PRRG1: variants seen among roughly 807,000 people sequenced by gnomAD.
The protein encoded by PRRG1 is proline rich and Gla domain 1.
A neutral mutation model predicts 11.8 loss-of-function variants in PRRG1; 5 were observed. The ratio of observed to expected loss-of-function variants is 0.42; its 90% confidence interval spans 0.22 to 0.89. The LOEUF (loss-of-function observed/expected upper bound fraction) is 0.89, where lower values mean the gene tolerates loss of function less well. PRRG1 is among the 40% of genes least tolerant of loss of function. The pLI, the probability that PRRG1 is intolerant of heterozygous loss-of-function variation, is 0.28. For missense variants in PRRG1, 155 were observed against 166.1 expected, an observed-to-expected ratio of 0.93 and a Z score of 0.37; for synonymous variants, 66 against 60.4, an observed-to-expected ratio of 1.09 and a Z score of -0.43.
intron 3 of PRRG1, among the ~76,000 whole-genome samples, chrX:37,434,145 C>T (rs1020164473): frequency 2.7e-5 from 3 of 112,242 alleles, no homozygotes; most frequent in African/African-American, 9.7e-5. Context: ...TTTACTCATA[C>T]GTGGTTTCAT....
At position 37,355,053 on chromosome X, in the gene PRRG1, A is replaced by C. The variant is rs781992956; in HGVS notation, c.-42+5658A>C. Among the ~76,000 whole-genome samples the C allele has an allele frequency of 3.6e-5, 4 of 110,577 alleles. No homozygotes were observed. In the South Asian group the frequency reaches 1.6e-3, roughly 44 times the overall value. On this transcript the variant is annotated intron_variant, in intron 1 of 3. Coordinates refer to ENST00000378628, the MANE Select transcript of PRRG1 (RefSeq NM_001142395.2). ...CAGCTTCCTGAGTAGCTGGGACCAC[A>C]AGTATGTGCCACTATGCCCAGCTAA...
At chrX:37,363,720 T>C (rs906728014) in intron 1 of PRRG1, among the ~76,000 whole-genome samples, 1 of 112,127 alleles carries the variant, frequency 8.9e-6, no homozygotes, top group African/African-American at 3.2e-5. Flanking sequence ...ATATAATGAA[T>C]TCTGCTTCCA....
intron 1 of PRRG1, among the ~76,000 whole-genome samples, chrX:37,382,935 C>G (rs1169895090): frequency 9.0e-6 from 1 of 111,496 alleles, no homozygotes; most frequent in Non-Finnish European, 1.9e-5. Context: ...CTTCTGCTTT[C>G]TCTCCGAGAA....
intron 1 of PRRG1, among the ~76,000 whole-genome samples, chrX:37,382,418 TATGTGTATATCTTGC>T (rs1556373987): frequency 4.5e-5 from 5 of 111,244 alleles, no homozygotes; most frequent in Non-Finnish European, 7.6e-5. Context: ...TATACACAGC[TATGTGTATATCTTGC>T]AGCTATAGAT....
intron 1 of PRRG1, among the ~76,000 whole-genome samples, chrX:37,397,874 T>G (rs782672306): frequency 9.1e-6 from 1 of 110,435 alleles, no homozygotes; most frequent in East Asian, 2.8e-4. Flanking sequence ...TTATTGTTTT[T>G]AAGTGTATTG....
intron 2 of PRRG1, among the ~76,000 whole-genome samples, chrX:37,406,723 G>A (rs1348118219): frequency 9.0e-6 from 1 of 110,993 alleles, no homozygotes; most frequent in Non-Finnish European, 1.9e-5. Flanking sequence ...TTAAAGCCCG[G>A]CATTAAGAAC....
In PRRG1 at chrX:37,349,398, G is replaced by A. The variant is rs1338357008; in HGVS notation, c.-42+3G>A. ...CGAGTAGCGGAGCGGGACCCGCTGT[G>A]AGTGTGGCGGCCGCGCTGGGTTCCT... On this transcript the variant is annotated splice_donor_region_variant and intron_variant, in intron 1 of 3. Coordinates refer to ENST00000378628, the MANE Select transcript of PRRG1 (RefSeq NM_001142395.2). The A allele has an allele frequency of 1.8e-5, 2 of 112,844 alleles. No individual in the cohort carries two copies. The highest frequency in any genetic ancestry group is 9.3e-5 in the Admixed American group (1 of 10,782). 9.3% of individuals were successfully genotyped at this position (112,844 alleles called of 1,213,427 possible). A position where few individuals can be genotyped will look rare whatever the true frequency, so the allele number is the denominator to read the frequency against.
At chrX:37,421,443 C>T (rs782554534) in intron 2 of PRRG1, among the ~76,000 whole-genome samples, 5 of 111,715 alleles carry the variant, frequency 4.5e-5, no homozygotes, top group Non-Finnish European at 9.4e-5. Flanking sequence ...TTCCTGATAG[C>T]TGTAATTTAA....
At chrX:37,390,390 T>C (rs1354795721) in intron 1 of PRRG1, among the ~76,000 whole-genome samples, 2 of 111,621 alleles carry the variant, frequency 1.8e-5, no homozygotes, top group Non-Finnish European at 3.8e-5. Flanking sequence ...TGTATGTACG[T>C]GCCTGTGTGT....
chrX:37,371,596 C>T (rs1325523448), intron 1 of PRRG1, among the ~76,000 whole-genome samples: 1 of 112,735 alleles, frequency 8.9e-6, no homozygotes, highest in Non-Finnish European at 1.9e-5. Flanking sequence ...GGCTGTGACA[C>T]CCTGTTTGAG....
chrX:37,376,322 A>C (rs1352955863), intron 1 of PRRG1, among the ~76,000 whole-genome samples: 1 of 104,816 alleles, frequency 9.5e-6, no homozygotes, highest in Non-Finnish European at 2.0e-5. Flanking sequence ...TTTGAGTTAT[A>C]TCTTAGATAT....
chrX:37,378,955 A>C (rs782693250), intron 1 of PRRG1, among the ~76,000 whole-genome samples: 20 of 108,380 alleles, frequency 1.8e-4, no homozygotes, highest in African/African-American at 6.7e-4. Context: ...GTCCTAGCAC[A>C]ATAGTTGACT....
chrX:37,414,083 T>G (rs1932425856), intron 2 of PRRG1, among the ~76,000 whole-genome samples: 1 of 112,118 alleles, frequency 8.9e-6, no homozygotes, highest in Non-Finnish European at 1.9e-5. Flanking sequence ...TCATGATGCA[T>G]CCTGCCGTTA....
intron 2 of PRRG1, among the ~76,000 whole-genome samples, chrX:37,417,565 A>C (rs1311918669): frequency 8.9e-6 from 1 of 111,977 alleles, no homozygotes; most frequent in African/African-American, 3.2e-5. Context: ...TTCCTAAGTA[A>C]AAATAGGAGG....
intron 2 of PRRG1, 69 bp downstream of exon 2, chrX:37,406,328 T>C: frequency 9.5e-7 from 1 of 1,054,558 alleles, no homozygotes; most frequent in East Asian, 3.0e-5. Context: ...AAATTAAATT[T>C]CTAACTCATA....
At chrX:37,431,736 A>G (rs1412678046) in intron 3 of PRRG1, among the ~76,000 whole-genome samples, 1 of 111,606 alleles carries the variant, frequency 9.0e-6, no homozygotes, top group Non-Finnish European at 1.9e-5. Context: ...AAGTTTTATC[A>G]TTGATTCTCA....
chrX:37,354,174 T>C (rs782202694), intron 1 of PRRG1, among the ~76,000 whole-genome samples: 2 of 111,063 alleles, frequency 1.8e-5, no homozygotes, highest in East Asian at 5.7e-4. Context: ...GTTTGTGATG[T>C]CTAGGATAGA....
chrX:37,381,766 C>T (rs1165315381), intron 1 of PRRG1, among the ~76,000 whole-genome samples: 1 of 111,483 alleles, frequency 9.0e-6, no homozygotes, highest in African/African-American at 3.3e-5. Flanking sequence ...GAATTTGATA[C>T]AGAAATATTA....
At chrX:37,394,497 A>G (rs782547636) in intron 1 of PRRG1, among the ~76,000 whole-genome samples, 31 of 112,192 alleles carry the variant, frequency 2.8e-4, no homozygotes, top group African/African-American at 9.4e-4. Flanking sequence ...GTTGTGTCCA[A>G]GCACTGTGGT....
Sources: allele counts gnomAD v4.1 joint callset (sites outside exome capture counted in the v4.1 genomes callset), GRCh38; gene constraint gnomAD v4.1.1; transcripts MANE v1.5; gene names NCBI Gene and HGNC (gene_info 2026-07-23, HGNC 2026-07-21).